Variants in TTC7B observed in about 807,000 individuals in gnomAD.
TTC7B encodes the protein tetratricopeptide repeat domain 7B.
Under a neutral mutation model 106.8 loss-of-function variants are expected in TTC7B, and 28 were observed. The ratio of observed to expected loss-of-function variants is 0.26; its 90% CI spans 0.19 to 0.36. TTC7B has a LOEUF of 0.36. TTC7B is among the 10% of genes least tolerant of loss of function. TTC7B has a pLI of 1.00. For synonymous variants in TTC7B, 405 were observed against 430.6 expected, an observed-to-expected ratio of 0.94 and a Z score of 0.74; for missense variants, 862 against 1,076.4, an observed-to-expected ratio of 0.80 and a Z score of 2.79.
chr14:90,678,259 C>T (rs1886917978), intron 8 of TTC7B, among the ~76,000 whole-genome samples: 1 of 152,128 alleles, frequency 6.6e-6, no homozygotes, highest in Non-Finnish European at 1.5e-5. Context: ...TTCTTATAAT[C>T]CCATTCTCCT....
chr14:90,630,793 T>C lies in TTC7B; in HGVS notation c.1752-12748A>G, dbSNP rs142059226. ...CTTAGCATAATGTCCTCAATTTTCA[T>C]CTATGTTGGTACATCCATCAGAATG... On this transcript the variant is annotated intron_variant, in intron 15 of 19. Transcript: ENST00000328459. Among the ~76,000 whole-genome samples, 752 of 152,254 alleles carry C rather than the reference T, an allele frequency of 4.9e-3. 5 individuals are homozygous for C. The highest frequency in any genetic ancestry group is 0.017 in the African/African-American group (715 of 41,540).
chr14:90,647,064 G>C, intron 13 of TTC7B, 41 bp from the exon 14 acceptor site: 71,054 of 1,219,466 alleles, frequency 0.058, no homozygotes, highest in Non-Finnish European at 0.079. Flanking sequence ...GGGAGAGGAG[G>C]CCATTTTTAC....
At chr14:90,810,908 T>C (rs743201) in intron 1 of TTC7B, among the ~76,000 whole-genome samples, 115,162 of 152,038 alleles carry the variant, frequency 0.76, 43,815 homozygotes, top group Middle Eastern at 0.83. Flanking sequence ...ATAAGCAAGG[T>C]GTGTGGGAGG....
In TTC7B at chr14:90,618,044, G is replaced by A. The variant is rs775815699; in HGVS notation, c.1753C>T (p.Leu585=). The A allele has an allele frequency of 1.9e-6, 3 of 1,610,612 alleles. No individual in the cohort carries two copies. In the South Asian group the frequency reaches 3.3e-5, roughly 18 times the overall value. ...TGCAACTTCACTTTGGAAAACAGTA[G>A]TCTGCAGTGGGGAGACAAAGGGAGA... ...ALSEYPENFI[L]LFSKVKLQSL... is the part of the protein sequence containing the mutation. The change falls in exon 16 of 20, where the codon CTA becomes TTA. Residue 585 remains leucine, a splice_region_variant and synonymous_variant. Transcript: ENST00000328459.
chr14:90,676,266 C>T, intron 9 of TTC7B: 3 of 343,360 alleles, frequency 8.7e-6, no homozygotes, highest in Non-Finnish European at 1.6e-5. Context: ...GAAATGTTTG[C>T]CTTCCCTCAC....
At chr14:90,607,522 A>G (rs962316946) in intron 17 of TTC7B, among the ~76,000 whole-genome samples, 1 of 152,126 alleles carries the variant, frequency 6.6e-6, no homozygotes, top group Non-Finnish European at 1.5e-5. Context: ...AACCATTCTG[A>G]TCTCGGATAA....
At position 90,541,038 on chromosome 14, in the gene TTC7B, A is replaced by G. The variant is rs1237099760; in HGVS notation, c.*330T>C. ...TAATCTGTGCTGCCACTGAATTTTA[A>G]CTTTGAATATATTCTTCTACATTTG... is the stretch of plus-strand genomic sequence containing the variant. On this transcript the variant is annotated 3_prime_UTR_variant, in exon 20 of 20. Coordinates refer to ENST00000328459, the MANE Select transcript of TTC7B (RefSeq NM_001010854.2). 3.5e-6 allele frequency: 1 copy of G among 287,090 alleles called. No homozygotes were observed. 17.8% of individuals were successfully genotyped at this position (287,090 alleles called of 1,614,324 possible).
At chr14:90,810,702 A>G (rs1164772041) in intron 1 of TTC7B, among the ~76,000 whole-genome samples, 3 of 152,222 alleles carry the variant, frequency 2.0e-5, no homozygotes, top group Non-Finnish European at 4.4e-5. Flanking sequence ...CACAGTTTGA[A>G]AACTGCTACA....
intron 19 of TTC7B, among the ~76,000 whole-genome samples, chr14:90,573,254 A>G (rs1481682881): frequency 6.6e-6 from 1 of 152,178 alleles, no homozygotes; most frequent in East Asian, 1.9e-4. Context: ...CTCATCCTGC[A>G]GGTGGACGCA....
Position 90,578,049 on chromosome 14 carries a change from C to T in TTC7B, c.2310+57G>A. ...TGTGAGGGTCATGTGCTACCTGCCG[C>T]TTCCAAGGGCTGTCCCCATGCCAGA... On this transcript the variant is annotated intron_variant, in intron 19 of 19. Coordinates refer to ENST00000328459, the MANE Select transcript of TTC7B (RefSeq NM_001010854.2). This position sits in a 1 kb window ranked among gnomAD's most constrained non-coding sequence, Gnocchi z 4.7. The T allele has an allele frequency of 6.4e-7, 1 of 1,551,476 alleles. No individual in the cohort carries two copies. The highest frequency in any genetic ancestry group is 1.9e-5 in the Admixed American group (1 of 51,882).
chr14:90,607,426 G>A (rs1156535868), intron 17 of TTC7B, among the ~76,000 whole-genome samples: 7 of 152,174 alleles, frequency 4.6e-5, no homozygotes, highest in African/African-American at 9.7e-5. Context: ...GTTAAGTGTC[G>A]GGCATGACGC....
intron 3 of TTC7B, among the ~76,000 whole-genome samples, chr14:90,778,621 C>T (rs1460239764): frequency 6.6e-6 from 1 of 152,102 alleles, no homozygotes; most frequent in Admixed American, 6.5e-5. Context: ...TGCTGAGGCA[C>T]GTGAGGTAGC....
At chr14:90,572,904 A>C (rs1891088582) in intron 19 of TTC7B, among the ~76,000 whole-genome samples, 1 of 152,122 alleles carries the variant, frequency 6.6e-6, no homozygotes, top group African/African-American at 2.4e-5. Context: ...GATGAGGCAC[A>C]TGGCCCCCAG....
rs553963013 is a variant in TTC7B at position 90,802,069 on chromosome 14, G to GAA, written c.121+14104_121+14105dup. 1.0e-4 allele frequency among the ~76,000 whole-genome samples: 13 copies of GAA among 130,524 alleles called. No individual in the cohort carries two copies. Among genetic ancestry groups the GAA allele is most frequent in the Non-Finnish European group, 2.0e-4 (12 of 60,690 alleles). The allele number at this position is 130,524 out of a possible 152,430, so 85.6% of individuals were successfully genotyped here. On this transcript the variant is annotated intron_variant, in intron 1 of 19. Transcript: ENST00000328459. The surrounding 1 kb of genome is among the most constrained non-coding windows in gnomAD (Gnocchi z 4.7). Reference sequence around the variant, plus strand: ...AGAGCGAAAACTCCATCTCAGGAAGGAAAAAAAAAAAAAAGAAAGAAAGAA... The same window carrying GAA: ...AGAGCGAAAACTCCATCTCAGGAAGGAAAAAAAAAAAAAAAAGAAAGAAAGAA...
At position 90,759,284 on chromosome 14, in the gene TTC7B, G is replaced by C. The variant is rs758874695; in HGVS notation, c.446-14362C>G. ...GCTTTTTGCATTCCCAAAGCATCAC[G>C]AACATTTGGGAGAAGAAAATGAACA... On this transcript the variant is annotated intron_variant, in intron 3 of 19. Coordinates refer to ENST00000328459, the MANE Select transcript of TTC7B (RefSeq NM_001010854.2). This position sits in a 1 kb window ranked among gnomAD's most constrained non-coding sequence, Gnocchi z 4.1. 1.4e-4 allele frequency among the ~76,000 whole-genome samples: 22 copies of C among 152,054 alleles called. No homozygotes were observed. The highest frequency in any genetic ancestry group is 2.8e-4 in the Non-Finnish European group (19 of 68,022).
intron 19 of TTC7B, among the ~76,000 whole-genome samples, chr14:90,553,169 C>T (rs1403071093): frequency 6.6e-6 from 1 of 152,206 alleles, no homozygotes; most frequent in Non-Finnish European, 1.5e-5. Flanking sequence ...GGCTGCAGCA[C>T]AGCCAGAGGC....
At position 90,578,121 on chromosome 14, in the gene TTC7B, C is replaced by A. The variant is rs1339922736; in HGVS notation, c.2295G>T (p.Lys765Asn). Residue 765 changes from lysine to asparagine, a missense_variant, in exon 19 of 20, where the codon AAG becomes AAT. By Grantham distance (94) the Lys-to-Asn change is moderately conservative. Transcript: ENST00000328459. The surrounding 1 kb of genome is among the most constrained non-coding windows in gnomAD (Gnocchi z 4.7). Reference sequence around the variant, plus strand: ...GTGGACTCACCAGTCGCTGCATGCTCTTCACGTGGGTGGGGCTGATGGCTA... The same window carrying A: ...GTGGACTCACCAGTCGCTGCATGCTATTCACGTGGGTGGGGCTGATGGCTA... ...EALAISPTHV[K>N]SMQRLALILH... 10 of 1,611,350 alleles carry A rather than the reference C, an allele frequency of 6.2e-6. No homozygotes were observed. Among genetic ancestry groups the A allele is most frequent in the Non-Finnish European group, 8.5e-6 (10 of 1,178,968 alleles).
chr14:90,803,224 C>G (rs376355979), intron 1 of TTC7B, among the ~76,000 whole-genome samples: 5 of 152,098 alleles, frequency 3.3e-5, no homozygotes, highest in African/African-American at 1.2e-4. Flanking sequence ...AGTGGTTCCA[C>G]TCTCCCCCCA....
chr14:90,738,158 T>TA (rs1430457494), intron 4 of TTC7B, among the ~76,000 whole-genome samples: 1 of 152,194 alleles, frequency 6.6e-6, no homozygotes, highest in African/African-American at 2.4e-5. Context: ...TAACTAGTAT[T>TA]AAAAAAATTT....
Sources: allele counts gnomAD v4.1 joint callset (sites outside exome capture counted in the v4.1 genomes callset), GRCh38; gene constraint gnomAD v4.1.1; non-coding constraint Gnocchi (gnomAD v3.1); transcripts MANE v1.5; gene names NCBI Gene and HGNC (gene_info 2026-07-23, HGNC 2026-07-21).